PCDHA3: variants seen among roughly 807,000 people sequenced by gnomAD.
PCDHA3 encodes the protein protocadherin alpha 3.
Under a neutral mutation model 62.2 loss-of-function variants are expected in PCDHA3, and 41 were observed. The observed-to-expected ratio is 0.66, with a 90% CI of 0.51 to 0.86. The LOEUF (loss-of-function observed/expected upper bound fraction) is 0.86, where lower values mean the gene tolerates loss of function less well. Among genes scored for constraint, PCDHA3 ranks in the 40% least tolerant of loss-of-function variants. The probability of loss-of-function intolerance (pLI) is 0.00; values close to 1 mark genes in which losing one functional copy is unlikely to be tolerated. For synonymous variants in PCDHA3, 640 were observed against 555.4 expected, an observed-to-expected ratio of 1.15 and a Z score of -2.14; for missense variants, 1,304 against 1,241.2, an observed-to-expected ratio of 1.05 and a Z score of -0.76.
intron 1 of PCDHA3, chr5:140,841,205 T>G (rs1319319145): frequency 1.5e-6 from 2 of 1,339,602 alleles, no homozygotes; most frequent in African/African-American, 3.0e-5. Context: ...TGACAGCATC[T>G]GTCTCTAAAG....
intron 1 of PCDHA3, among the ~76,000 whole-genome samples, chr5:140,942,962 A>G (rs2153660638): frequency 6.6e-6 from 1 of 152,216 alleles, no homozygotes; most frequent in South Asian, 2.1e-4. Flanking sequence ...CTGTTATCAG[A>G]ATTAAATTTT....
At chr5:140,902,861 G>A (rs782302668) in intron 1 of PCDHA3, among the ~76,000 whole-genome samples, 21 of 152,088 alleles carry the variant, frequency 1.4e-4, no homozygotes, top group Admixed American at 5.2e-4. Context: ...TGGCGTCCAG[G>A]TCCACCCAAG....
chr5:140,870,253 G>A (rs782678686), intron 1 of PCDHA3: 2 of 1,614,196 alleles, frequency 1.2e-6, no homozygotes, highest in Non-Finnish European at 1.7e-6. Flanking sequence ...CAACGGACAG[G>A]TGACCTGCTC....
At chr5:140,940,572 C>G (rs1315567614) in intron 1 of PCDHA3, among the ~76,000 whole-genome samples, 1 of 152,096 alleles carries the variant, frequency 6.6e-6, no homozygotes, top group African/African-American at 2.4e-5. Context: ...CCTTGGCTCC[C>G]AAAGTGTTGG....
In PCDHA3 at chr5:140,802,545, G is replaced by A. The variant is rs1305664229; in HGVS notation, c.1348G>A (p.Asp450Asn). The change falls in exon 1 of 4, where the codon GAC (aspartate) becomes AAC (asparagine). Residue 450 changes from aspartate (D) to asparagine (N), a missense_variant. Transcript: ENST00000522353. Reference sequence around the variant, plus strand: ...GTCCGTGGAGGTGGCCGACGTGAACGACAATGCGCCGGCATTCTCGCAGTC... The same window carrying A: ...GTCCGTGGAGGTGGCCGACGTGAACAACAATGCGCCGGCATTCTCGCAGTC... ...SVSVEVADVN[D>N]NAPAFSQSEY... The A allele has an allele frequency of 3.7e-6, 6 of 1,614,102 alleles. No homozygotes were observed. Among genetic ancestry groups the A allele is most frequent in the African/African-American group, 1.3e-5 (1 of 74,948 alleles).
chr5:140,810,836 A>G (rs1562230266), intron 1 of PCDHA3: 1 of 152,108 alleles, frequency 6.6e-6, no homozygotes, highest in East Asian at 1.9e-4. Flanking sequence ...ATAGAAAGTC[A>G]TAATTTTGAT....
At chr5:140,875,235 A>G in intron 1 of PCDHA3, 1 of 869,906 alleles carries the variant, frequency 1.1e-6, no homozygotes, top group South Asian at 2.5e-5. Context: ...TCTTTCTTGT[A>G]CTTACATAAT....
intron 1 of PCDHA3, chr5:140,968,545 G>C: frequency 6.2e-7 from 1 of 1,614,182 alleles, no homozygotes; most frequent in Non-Finnish European, 8.5e-7. Flanking sequence ...CCTTCGAGAT[G>C]GTGCCTCGAA....
rs1236098574 is a variant in PCDHA3 at position 140,852,665 on chromosome 5, C to T, written c.2394+49074C>T. The T allele has an allele frequency of 2.1e-6, 2 of 964,268 alleles. 1 individual carries two copies. The highest frequency in any genetic ancestry group is 3.6e-5 in the African/African-American group (2 of 55,886). 59.7% of individuals were successfully genotyped at this position (964,268 alleles called of 1,614,324 possible). A position where few individuals can be genotyped will look rare whatever the true frequency, so the allele number is the denominator to read the frequency against. Reference sequence around the variant, plus strand: ...AAACCTATCTATATCTGTCTATCAGCACAACTCACCTTGAATATAGTCTTA... The same window carrying T: ...AAACCTATCTATATCTGTCTATCAGTACAACTCACCTTGAATATAGTCTTA... On this transcript the variant is annotated intron_variant, in intron 1 of 3. Transcript: ENST00000522353.
At chr5:140,823,949 A>G in intron 1 of PCDHA3, 1 of 1,613,920 alleles carries the variant, frequency 6.2e-7, no homozygotes, top group Non-Finnish European at 8.5e-7. Context: ...TGCTCGGCGC[A>G]GCCCACCGAG....
chr5:140,803,403 A>G lies in PCDHA3; in HGVS notation c.2206A>G (p.Lys736Glu). The G allele has an allele frequency of 6.2e-7, 1 of 1,614,250 alleles. No individual in the cohort carries two copies. The highest frequency in any genetic ancestry group is 8.5e-7 in the Non-Finnish European group (1 of 1,180,050). The change falls in exon 1 of 4, where the codon AAG (lysine) becomes GAG (glutamate). Residue 736 changes from lysine (K) to glutamate (E), a missense_variant. Physicochemically the swap from Lys to Glu is moderately conservative, Grantham distance 56. Transcript: ENST00000522353. ...PPTEGDCGPG[K>E]PTLVCSSAVG... ...AACCGAAGGCGACTGTGGGCCGGGC[A>G]AGCCCACGCTGGTGTGCTCCAGCGC... is the stretch of plus-strand genomic sequence containing the variant.
At chr5:140,941,259 T>TTCTTTCTTTCTTTCTTTC (rs2092988682) in intron 1 of PCDHA3, among the ~76,000 whole-genome samples, 1 of 121,734 alleles carries the variant, frequency 8.2e-6, no homozygotes, top group Non-Finnish European at 1.8e-5. Flanking sequence ...TTCTTTCTCT[T>TTCTTTCTTTCTTTCTTTC]TCTTTCTTTC....
intron 1 of PCDHA3, among the ~76,000 whole-genome samples, chr5:140,886,340 G>A (rs2060950327): frequency 6.6e-6 from 1 of 151,864 alleles, no homozygotes; most frequent in East Asian, 1.9e-4. Flanking sequence ...TGTGCAGAAC[G>A]TGCAGGTTTG....
chr5:140,855,277 C>T (rs1581364290), intron 1 of PCDHA3, among the ~76,000 whole-genome samples: 2 of 149,744 alleles, frequency 1.3e-5, no homozygotes, highest in Middle Eastern at 3.4e-3. Context: ...ACTCAACCAC[C>T]GTATTACTAT....
At chr5:140,816,920 G>C (rs1453114177) in intron 1 of PCDHA3, 1 of 152,042 alleles carries the variant, frequency 6.6e-6, no homozygotes, top group Non-Finnish European at 1.5e-5. Flanking sequence ...TATAGATTCT[G>C]CTGAATCCTA....
At chr5:140,928,272 T>TG in intron 1 of PCDHA3, 1 of 1,614,156 alleles carries the variant, frequency 6.2e-7, no homozygotes, top group Admixed American at 1.7e-5. Context: ...ACAATGGCCC[T>TG]GGGGCCTCTC....
chr5:140,809,240 G>C (rs1554125099), intron 1 of PCDHA3: 14 of 1,614,108 alleles, frequency 8.7e-6, no homozygotes, highest in Non-Finnish European at 1.2e-5. Flanking sequence ...GGCGTTGGTG[G>C]GCGCTGTGGG....
At chr5:140,941,063 TG>T (rs1554213711) in intron 1 of PCDHA3, among the ~76,000 whole-genome samples, 2 of 152,194 alleles carry the variant, frequency 1.3e-5, no homozygotes, top group East Asian at 3.8e-4. Context: ...AGCAGTTTTC[TG>T]GGCTGGAGAG....
intron 1 of PCDHA3, chr5:140,822,892 G>A (rs2150120154): frequency 1.2e-6 from 2 of 1,614,212 alleles, no homozygotes; most frequent in East Asian, 4.5e-5. Flanking sequence ...TCTGATCAGC[G>A]TGTCTGACCG....
Sources: gnomAD v4.1 joint callset for allele counts (sites outside exome capture counted in the v4.1 genomes callset) on GRCh38, gnomAD v4.1.1 for gene constraint, MANE v1.5 for transcripts, NCBI Gene and HGNC (gene_info 2026-07-23, HGNC 2026-07-21) for gene names.